Variants in GALNT10 observed in about 807,000 individuals in gnomAD.
The protein encoded by GALNT10 is polypeptide N-acetylgalactosaminyltransferase 10, also known as GalNAc transferase 10.
A neutral mutation model predicts 75.0 loss-of-function variants in GALNT10; 41 were observed. That is an observed-to-expected ratio of 0.55 (90% CI 0.43 to 0.71). GALNT10 has a LOEUF of 0.71. Among genes scored for constraint, GALNT10 ranks in the 30% least tolerant of loss-of-function variants. The probability of loss-of-function intolerance (pLI) is 0.00; values close to 1 mark genes in which losing one functional copy is unlikely to be tolerated. For missense variants in GALNT10, 727 were observed against 818.5 expected (o/e 0.89, Z 1.36); for synonymous variants, 302 against 313.0 (o/e 0.96, Z 0.37).
At chr5:154,231,918 A>G (rs1313495319) in intron 1 of GALNT10, among the ~76,000 whole-genome samples, 2 of 152,196 alleles carry the variant, frequency 1.3e-5, no homozygotes, top group Non-Finnish European at 2.9e-5. Context: ...TCCTGCATAC[A>G]GTCCAGTTGT....
intron 4 of GALNT10, among the ~76,000 whole-genome samples, chr5:154,332,749 T>A (rs1390380237): frequency 6.6e-6 from 1 of 152,130 alleles, no homozygotes; most frequent in Non-Finnish European, 1.5e-5. Context: ...CAGATGTGGC[T>A]GTGGAAGACA....
In GALNT10 at chr5:154,404,191, G is replaced by A. The variant is rs1451203322; in HGVS notation, c.1144G>A (p.Ala382Thr). The A allele has an allele frequency of 6.2e-7, 1 of 1,602,830 alleles. No homozygotes were observed. The highest frequency in any genetic ancestry group is 1.1e-5 in the South Asian group (1 of 89,584). Reference protein sequence around the residue: ...YRKYVPYKVPAGVSLARNLKR... With the variant: ...YRKYVPYKVPTGVSLARNLKR... The stretch of plus-strand genomic sequence containing the variant: ...GAAGTATGTGCCCTACAAGGTCCCG[G>A]CCGGAGTCAGCCTGGCCCGGGTAAG... Residue 382 changes from alanine to threonine, a missense_variant, in exon 8 of 12, where the codon GCC becomes ACC. Ala to Thr is a moderately conservative substitution (Grantham distance 58, BLOSUM62 0). Coordinates refer to ENST00000297107, the MANE Select transcript of GALNT10 (RefSeq NM_198321.4).
chr5:154,253,002 G>GTT (rs373849888), intron 1 of GALNT10, among the ~76,000 whole-genome samples: 17 of 89,844 alleles, frequency 1.9e-4, no homozygotes, highest in South Asian at 7.8e-4. Context: ...TTTTTTAGTG[G>GTT]TTTTTTTTTT....
chr5:154,198,360 G>A (rs1038359276), intron 1 of GALNT10, among the ~76,000 whole-genome samples: 2 of 152,178 alleles, frequency 1.3e-5, no homozygotes, highest in African/African-American at 4.8e-5. Flanking sequence ...ACAAGTGCTT[G>A]GTAAACATGG....
chr5:154,391,737 C>T (rs995596316), intron 7 of GALNT10, among the ~76,000 whole-genome samples: 3 of 152,342 alleles, frequency 2.0e-5, no homozygotes, highest in South Asian at 2.1e-4. Flanking sequence ...ACCCTAAGGC[C>T]GGGCTGGATG....
intron 3 of GALNT10, 158 bp from the exon 4 acceptor site, chr5:154,329,414 T>A: frequency 1.6e-6 from 1 of 619,422 alleles, no homozygotes; most frequent in Non-Finnish European, 2.9e-6. Context: ...GGATGTCATG[T>A]AGAAGTTCCT....
At chr5:154,251,097 C>A (rs937399298) in intron 1 of GALNT10, among the ~76,000 whole-genome samples, 1 of 152,198 alleles carries the variant, frequency 6.6e-6, no homozygotes, top group South Asian at 2.1e-4. Flanking sequence ...AAACTGTGAA[C>A]GTAATGAATT....
At chr5:154,264,551 C>A (rs545725546) in intron 1 of GALNT10, among the ~76,000 whole-genome samples, 3 of 151,894 alleles carry the variant, frequency 2.0e-5, no homozygotes, top group African/African-American at 4.8e-5. Flanking sequence ...ACAGCAAATG[C>A]GGTAAAATAT....
At chr5:154,399,309 C>G (rs1290403003) in intron 7 of GALNT10, among the ~76,000 whole-genome samples, 2 of 152,194 alleles carry the variant, frequency 1.3e-5, no homozygotes, top group Admixed American at 1.3e-4. Context: ...AGCACCACCC[C>G]CCTAGCCCGT....
In GALNT10 at chr5:154,409,831, T is replaced by C; in HGVS notation, c.1386+69T>C. ...GCAAAATGCAAATGCAGATCCCATG[T>C]TCAAAAGGTAGAAAGTCAGTGCAGG... On this transcript the variant is annotated intron_variant, in intron 9 of 11. Transcript: ENST00000297107. This position sits in a 1 kb window ranked among gnomAD's most constrained non-coding sequence, Gnocchi z 4.5. The C allele has an allele frequency of 9.5e-7, 1 of 1,051,240 alleles. No homozygotes were observed. The highest frequency in any genetic ancestry group is 1.5e-6 in the Non-Finnish European group (1 of 672,388). The allele number at this position is 1,051,240 out of a possible 1,614,324, so 65.1% of individuals were successfully genotyped here.
At chr5:154,208,870 G>GTTGA (rs529576533) in intron 1 of GALNT10, among the ~76,000 whole-genome samples, 1 of 152,176 alleles carries the variant, frequency 6.6e-6, no homozygotes, top group Non-Finnish European at 1.5e-5. Flanking sequence ...TACCCCCAGT[G>GTTGA]TTGAGTTAAC....
chr5:154,329,332 A>G, intron 3 of GALNT10: 1 of 488,248 alleles, frequency 2.0e-6, no homozygotes, highest in Non-Finnish European at 3.7e-6. Context: ...AATCACAACT[A>G]TTCAAACTCA....
intron 4 of GALNT10, among the ~76,000 whole-genome samples, chr5:154,333,719 T>C (rs1210409101): frequency 6.6e-6 from 1 of 152,162 alleles, no homozygotes; most frequent in Admixed American, 6.5e-5. Context: ...AATAATACTG[T>C]CCCATTTCAC....
intron 3 of GALNT10, among the ~76,000 whole-genome samples, chr5:154,324,632 G>A (rs1258199607): frequency 2.6e-5 from 4 of 152,174 alleles, no homozygotes; most frequent in African/African-American, 7.2e-5. Context: ...TCAAATTTGA[G>A]TGGGCATCAA....
intron 1 of GALNT10, among the ~76,000 whole-genome samples, chr5:154,284,005 C>T (rs941830991): frequency 4.6e-5 from 7 of 152,192 alleles, no homozygotes; most frequent in African/African-American, 1.7e-4. Flanking sequence ...GTGATGTCTG[C>T]TTTTACCCTG....
intron 1 of GALNT10, among the ~76,000 whole-genome samples, chr5:154,235,455 A>T (rs544403054): frequency 8.9e-4 from 135 of 152,268 alleles, no homozygotes; most frequent in African/African-American, 3.1e-3. Flanking sequence ...AGAGACTTGT[A>T]GCTTCAGTAC....
intron 10 of GALNT10, among the ~76,000 whole-genome samples, chr5:154,413,813 GA>G (rs541028587): frequency 6.6e-6 from 1 of 152,030 alleles, no homozygotes; most frequent in Non-Finnish European, 1.5e-5. Context: ...ATCCATAAAA[GA>G]AAAAATTGAA....
At chr5:154,394,004 G>T (rs556003202) in intron 7 of GALNT10, among the ~76,000 whole-genome samples, 4 of 152,212 alleles carry the variant, frequency 2.6e-5, no homozygotes, top group Non-Finnish European at 5.9e-5. Context: ...GCCTGAGGCC[G>T]CCAAGAGCAA....
rs1754852075 is a variant in GALNT10, at chr5:154,330,921, GTGTGTGTGTGTGTGTGTT to G, written c.568+1195_568+1212del. 4.1e-5 allele frequency among the ~76,000 whole-genome samples: 4 copies of G among 97,438 alleles called. No individual in the cohort carries two copies. The South Asian group carries it at 1.1e-3, about 26-fold the overall frequency. The allele number at this position is 97,438 out of a possible 152,430, so 63.9% of individuals were successfully genotyped here. A position where few individuals can be genotyped will look rare whatever the true frequency, so the allele number is the denominator to read the frequency against. On this transcript the variant is annotated intron_variant, in intron 4 of 11. Coordinates refer to ENST00000297107, the MANE Select transcript of GALNT10 (RefSeq NM_198321.4). ...AGAGACAGAGAGGGTGTGTGTGTGT[GTGTGTGTGTGTGTGTGTT>G]TGTGTGTGTGTAGACATTTAACTCA...
Sources: allele counts gnomAD v4.1 joint callset (sites outside exome capture counted in the v4.1 genomes callset), GRCh38; gene constraint gnomAD v4.1.1; non-coding constraint Gnocchi (gnomAD v3.1); transcripts MANE v1.5; gene names NCBI Gene and HGNC (gene_info 2026-07-23, HGNC 2026-07-21).